The following COL4A1 variants were observed in gnomAD, a reference collection of about 807,000 sequenced individuals.
COL4A1 encodes collagen alpha-1(IV) chain.
Under a neutral mutation model 216.6 loss-of-function variants are expected in COL4A1, and 40 were observed. The ratio of observed to expected loss-of-function variants is 0.18; its 90% confidence interval spans 0.14 to 0.24. The LOEUF (loss-of-function observed/expected upper bound fraction) is 0.24, where lower values mean the gene tolerates loss of function less well. COL4A1 is among the 10% of genes least tolerant of loss of function. The probability of loss-of-function intolerance (pLI) is 1.00; values close to 1 mark genes in which losing one functional copy is unlikely to be tolerated. For synonymous variants in COL4A1, 839 were observed against 810.7 expected (o/e 1.03, Z -0.59); for missense variants, 1,628 against 2,196.8 (o/e 0.74, Z 5.18).
intron 2 of COL4A1, among the ~76,000 whole-genome samples, chr13:110,220,752 G>A (rs9301436): frequency 0.34 from 51,182 of 152,002 alleles, 8,921 homozygotes; most frequent in Non-Finnish European, 0.37. Flanking sequence ...GCAAATCTGT[G>A]TGAAGAATGG....
At chr13:110,302,584 G>A (rs1884537839) in intron 1 of COL4A1, among the ~76,000 whole-genome samples, 1 of 152,188 alleles carries the variant, frequency 6.6e-6, no homozygotes, top group Non-Finnish European at 1.5e-5. Flanking sequence ...ATGTCCCAGA[G>A]TTAGGACCAG....
intron 41 of COL4A1, among the ~76,000 whole-genome samples, chr13:110,171,766 G>A (rs1364504139): frequency 1.3e-5 from 2 of 152,190 alleles, no homozygotes; most frequent in Admixed American, 6.5e-5. Context: ...GGAGTGTGCG[G>A]GATCACATGG....
intron 1 of COL4A1, among the ~76,000 whole-genome samples, chr13:110,293,145 C>T (rs1024187952): frequency 7.2e-5 from 11 of 152,292 alleles, no homozygotes; most frequent in Non-Finnish European, 1.6e-4. Context: ...CCAGTGCCAC[C>T]GTTGGGGGCT....
chr13:110,194,200 C>T (rs1379678281), intron 22 of COL4A1, among the ~76,000 whole-genome samples: 5 of 152,184 alleles, frequency 3.3e-5, no homozygotes, highest in African/African-American at 1.2e-4. Context: ...CATTTCAGGT[C>T]CTGCAGTGTA....
intron 49 of COL4A1, among the ~76,000 whole-genome samples, chr13:110,160,064 C>A (rs187297716): frequency 7.9e-5 from 12 of 152,236 alleles, no homozygotes; most frequent in South Asian, 2.1e-4. Context: ...GTACTTAATG[C>A]CACTACACTG....
In COL4A1 at chr13:110,179,383, C is replaced by A. The variant is rs368539530; in HGVS notation, c.2232G>T (p.Leu744Phe). ...PGVGLPGLKG[L>F]PGLPGIPGTP... ...TGCCAGGAATGCCGGGAAGACCTGG[C>A]AAACCTTTGAGTCCCGGTAGACCAA... The change falls in exon 30 of 52, where the codon TTG becomes TTT. Residue 744 changes from leucine (L) to phenylalanine (F), a missense_variant. Leu to Phe is a conservative substitution (Grantham distance 22). This residue lies in a region of COL4A1 where 701 missense variants were observed against 892.5 expected (regional missense o/e 0.79). Coordinates refer to ENST00000375820, the MANE Select transcript of COL4A1 (RefSeq NM_001845.6). 12 of 1,614,176 alleles carry A rather than the reference C, an allele frequency of 7.4e-6. No homozygotes were observed. Among genetic ancestry groups the A allele is most frequent in the Admixed American group, 5.0e-5 (3 of 60,024 alleles).
chr13:110,189,535 C>T (rs924508647), intron 24 of COL4A1, among the ~76,000 whole-genome samples: 3 of 152,176 alleles, frequency 2.0e-5, no homozygotes, highest in Non-Finnish European at 4.4e-5. Context: ...TCACTTGGAT[C>T]TACTCAGGAA....
chr13:110,194,943 G>A, intron 22 of COL4A1, 80 bp downstream of exon 22: 1 of 1,240,486 alleles, frequency 8.1e-7, no homozygotes, highest in Non-Finnish European at 1.2e-6. Context: ...CCCCCACTTG[G>A]CTCCAAAGCC....
At chr13:110,180,064 T>C (rs556239066) in intron 29 of COL4A1, among the ~76,000 whole-genome samples, 2 of 152,252 alleles carry the variant, frequency 1.3e-5, no homozygotes, top group South Asian at 4.1e-4. Context: ...TGTCTGCAAA[T>C]GATATTTCCA....
At chr13:110,246,021 TA>T in intron 1 of COL4A1, among the ~76,000 whole-genome samples, 1 of 152,188 alleles carries the variant, frequency 6.6e-6, no homozygotes, top group South Asian at 2.1e-4. Context: ...TTATCAATTC[TA>T]AAAAATTGAT....
At chr13:110,238,874 G>A (rs892416571) in intron 2 of COL4A1, among the ~76,000 whole-genome samples, 4 of 152,112 alleles carry the variant, frequency 2.6e-5, no homozygotes, top group Admixed American at 2.0e-4. Context: ...AAATACTTGA[G>A]AAAATCAAAT....
chr13:110,245,936 C>A (rs912195302), intron 1 of COL4A1, among the ~76,000 whole-genome samples: 5 of 151,738 alleles, frequency 3.3e-5, no homozygotes, highest in Non-Finnish European at 5.9e-5. Context: ...CCACCTTACG[C>A]TTTTTCATAA....
chr13:110,205,984 T>C (rs1036210516), intron 15 of COL4A1, among the ~76,000 whole-genome samples: 8 of 152,256 alleles, frequency 5.3e-5, no homozygotes, highest in Non-Finnish European at 1.2e-4. Flanking sequence ...TCTATGTAAG[T>C]TGACAATACC....
rs765834357 is a variant in COL4A1, at chr13:110,183,006, G to T, written c.2082C>A (p.Pro694=). 1 of 1,612,714 alleles carries T rather than the reference G, an allele frequency of 6.2e-7. No homozygotes were observed. The highest frequency in any genetic ancestry group is 8.5e-7 in the Non-Finnish European group (1 of 1,179,730). ...TGGCAGGGTTACCTTTGGGGCCGGG[G>T]GGCCCTGGAAATCCAATGCCTGGCT... ...VGQPGIGFPG[P]PGPKGVDGLP... The change falls in exon 28 of 52, where the codon CCC becomes CCA. Residue 694 remains proline (P), a synonymous_variant. Coordinates refer to ENST00000375820, the MANE Select transcript of COL4A1 (RefSeq NM_001845.6).
chr13:110,300,420 A>G (rs1235230358), intron 1 of COL4A1, among the ~76,000 whole-genome samples: 2 of 152,386 alleles, frequency 1.3e-5, no homozygotes, highest in Admixed American at 6.5e-5. Context: ...TACAGCTGGA[A>G]CACACTGGGT....
intron 2 of COL4A1, among the ~76,000 whole-genome samples, chr13:110,230,841 C>G (rs994474987): frequency 6.6e-6 from 1 of 152,210 alleles, no homozygotes; most frequent in African/African-American, 2.4e-5. Flanking sequence ...AGGAGGCCTC[C>G]AGCCGCCCGG....
intron 29 of COL4A1, 38 bp downstream of exon 29, chr13:110,181,254 G>A (rs368430200): frequency 1.6e-4 from 260 of 1,584,754 alleles, no homozygotes; most frequent in Non-Finnish European, 2.1e-4. Flanking sequence ...TAACAAGGAT[G>A]GGGGAGAAGG....
At chr13:110,212,700 G>A (rs1879873035) in intron 4 of COL4A1, 82 bp from the exon 5 acceptor site, 2 of 1,512,254 alleles carry the variant, frequency 1.3e-6, no homozygotes, top group Admixed American at 1.7e-5. Flanking sequence ...GGTTAATGGA[G>A]TCATGCCCTC....
chr13:110,159,477 C>A (rs926512261), intron 49 of COL4A1, among the ~76,000 whole-genome samples: 6 of 152,178 alleles, frequency 3.9e-5, no homozygotes, highest in African/African-American at 1.4e-4. Flanking sequence ...GGACGTGGAG[C>A]AACTGGGACC....
Sources: gnomAD v4.1 joint callset for allele counts (sites outside exome capture counted in the v4.1 genomes callset) on GRCh38, gnomAD v4.1.1 for gene constraint, gnomAD v4.1.1 regional missense constraint, MANE v1.5 for transcripts, NCBI Gene and HGNC (gene_info 2026-07-23, HGNC 2026-07-21) for gene names.